The following TRIM25 variants were observed in gnomAD, a reference collection of about 807,000 sequenced individuals.
The protein encoded by TRIM25 is tripartite motif containing 25, also known as E3 ubiquitin/ISG15 ligase TRIM25.
Under a neutral mutation model 65.2 loss-of-function variants are expected in TRIM25, and 45 were observed. The observed-to-expected ratio is 0.69, with a 90% CI of 0.54 to 0.89. The LOEUF is 0.89. Among genes scored for constraint, TRIM25 ranks in the 40% least tolerant of loss-of-function variants. TRIM25 has a pLI of 0.00. For missense variants in TRIM25, 714 were observed against 803.7 expected (o/e 0.89, Z 1.35); for synonymous variants, 321 against 340.4 (o/e 0.94, Z 0.63).
chr17:56,913,506 A>G lies in TRIM25; in HGVS notation c.483T>C (p.Asn161=). The part of the protein sequence containing the change: ...DLLRRKCSQH[N]RLREFFCPEH... The stretch of plus-strand genomic sequence containing the variant: ...CGGGGCAGAAAAATTCCCGCAGCCG[A>G]TTGTGCTGGGAACATTTGCGGCGCA... The change falls in exon 1 of 9, where the codon AAT becomes AAC. Residue 161 remains asparagine (N), a synonymous_variant. Transcript: ENST00000316881. The surrounding 1 kb of genome is among the most constrained non-coding windows in gnomAD (Gnocchi z 6.1). The G allele has an allele frequency of 6.2e-7, 1 of 1,613,634 alleles. No individual in the cohort carries two copies. Among genetic ancestry groups the G allele is most frequent in the Non-Finnish European group, 8.5e-7 (1 of 1,179,758 alleles).
rs748876259 is a variant in TRIM25 at position 56,914,034 on chromosome 17, G to C, written c.-46C>G. 1 of 1,418,026 alleles carries C rather than the reference G, an allele frequency of 7.1e-7. No homozygotes were observed. Among genetic ancestry groups the C allele is most frequent in the Admixed American group, 2.5e-5 (1 of 39,396 alleles). 87.8% of individuals were successfully genotyped at this position (1,418,026 alleles called of 1,614,324 possible). A position where few individuals can be genotyped will look rare whatever the true frequency, so the allele number is the denominator to read the frequency against. On this transcript the variant is annotated 5_prime_UTR_variant, in exon 1 of 9. Transcript: ENST00000316881. ...CACAACTGCTGCACCCGCGCTCCGA[G>C]GCCGCCGAGGAAACGAAACCTAGCT... is the stretch of plus-strand genomic sequence containing the variant.
intron 4 of TRIM25, 105 bp from the exon 5 acceptor site, chr17:56,899,285 C>A (rs1909363248): frequency 3.5e-6 from 4 of 1,135,102 alleles, no homozygotes; most frequent in Non-Finnish European, 5.2e-6. Flanking sequence ...CACAGACAGC[C>A]ATTTCCTCCG....
chr17:56,897,760 A>G (rs1446126420), intron 5 of TRIM25, among the ~76,000 whole-genome samples: 3 of 152,168 alleles, frequency 2.0e-5, no homozygotes, highest in Non-Finnish European at 4.4e-5. Flanking sequence ...CCTCATTCAT[A>G]CTAAGGGAGG....
chr17:56,902,291 A>G (rs556133241), intron 3 of TRIM25, among the ~76,000 whole-genome samples: 1 of 152,252 alleles, frequency 6.6e-6, no homozygotes, highest in African/African-American at 2.4e-5. Flanking sequence ...TGGGTCTTTC[A>G]GGTATAGCTG....
Position 56,891,671 on chromosome 17 carries a change from GGCAGTCAGCCCAAGT to G in TRIM25, c.*14_*28del. On this transcript the variant is annotated 3_prime_UTR_variant, in exon 9 of 9. Transcript: ENST00000316881. ...TCACTAGGGTCTTGGGACTTCTGCA[GGCAGTCAGCCCAAGT>G]GCCTACAGCCTGCCTACTTGGGGGA... 1 of 1,594,666 alleles carries G rather than the reference GGCAGTCAGCCCAAGT, an allele frequency of 6.3e-7. No homozygotes were observed. The highest frequency in any genetic ancestry group is 2.2e-5 in the East Asian group (1 of 44,628).
chr17:56,904,130 T>C, intron 3 of TRIM25, 125 bp downstream of exon 3: 1 of 762,320 alleles, frequency 1.3e-6, no homozygotes, highest in African/African-American at 1.7e-5. Context: ...TAATACAGCG[T>C]GTGTCTCAGG....
Position 56,892,018 on chromosome 17 carries a change from C to A in TRIM25, c.1575G>T (p.Gly525=), listed in dbSNP as rs745885149. The A allele has an allele frequency of 2.5e-6, 4 of 1,614,172 alleles. No homozygotes were observed. The highest frequency in any genetic ancestry group is 1.3e-5 in the African/African-American group (1 of 75,046). ...EVELQKNNFC[G]VGICYGSMNR... is the part of the protein sequence containing the mutation. ...TCATGCTTCCGTAGCAGATGCCTACCCCACAGAAGTTGTTCTTCTGCAGCT... is the reference window on the plus strand; with the variant it reads ...TCATGCTTCCGTAGCAGATGCCTACACCACAGAAGTTGTTCTTCTGCAGCT... The change falls in exon 9 of 9, where the codon GGG becomes GGT. Residue 525 remains glycine, a synonymous_variant. Transcript: ENST00000316881.
intron 1 of TRIM25, chr17:56,912,760 T>C (rs1382641008): frequency 1.3e-5 from 2 of 152,162 alleles, no homozygotes; most frequent in Non-Finnish European, 2.9e-5. Flanking sequence ...CATATCCACC[T>C]CCTGGGTGCC....
At chr17:56,900,464 A>G (rs919716976) in intron 4 of TRIM25, among the ~76,000 whole-genome samples, 1 of 152,216 alleles carries the variant, frequency 6.6e-6, no homozygotes, top group Non-Finnish European at 1.5e-5. Context: ...ATCCCAAGGA[A>G]GAATGCGATA....
chr17:56,898,942 G>A (rs917377907), intron 5 of TRIM25, 173 bp downstream of exon 5: 1 of 649,364 alleles, frequency 1.5e-6, no homozygotes, highest in Admixed American at 2.8e-5. Flanking sequence ...CTGATGGACA[G>A]CGGAGCTTCT....
intron 1 of TRIM25, among the ~76,000 whole-genome samples, chr17:56,911,210 G>A (rs1909621195): frequency 6.6e-6 from 1 of 152,004 alleles, no homozygotes; most frequent in South Asian, 2.1e-4. Context: ...TAAGGTTATA[G>A]TGAGCTATGA....
At chr17:56,903,127 G>A (rs1000878468) in intron 3 of TRIM25, among the ~76,000 whole-genome samples, 28 of 152,206 alleles carry the variant, frequency 1.8e-4, no homozygotes, top group Admixed American at 9.8e-4. Context: ...CTGGTTGGGC[G>A]CAGTGGCTCA....
At position 56,904,298 on chromosome 17, in the gene TRIM25, A is replaced by G. The variant is rs1352957178; in HGVS notation, c.884T>C (p.Ile295Thr). ...KSEIQTLKEEIEQSLTKRDEF... is the reference protein window; with the variant it reads ...KSEIQTLKEETEQSLTKRDEF... ...ATCCCTCTTGGTCAGGCTCTGTTCA[A>G]TCTCCTCCTTCAAGGTCTGGATCTC... The change falls in exon 3 of 9, where the codon ATT (isoleucine) becomes ACT (threonine). Residue 295 changes from isoleucine (I) to threonine (T), a missense_variant. This residue lies in a region of TRIM25 where 413 missense variants were observed against 498.2 expected (regional missense o/e 0.83). Transcript: ENST00000316881. 2 of 1,613,856 alleles carry G rather than the reference A, an allele frequency of 1.2e-6. No individual in the cohort carries two copies. Among genetic ancestry groups the G allele is most frequent in the Non-Finnish European group, 1.7e-6 (2 of 1,180,008 alleles).
chr17:56,895,942 C>T lies in TRIM25; in HGVS notation c.1164G>A (p.Lys388=). The T allele has an allele frequency of 6.2e-7, 1 of 1,612,344 alleles. No individual in the cohort carries two copies. Among genetic ancestry groups the T allele is most frequent in the South Asian group, 1.1e-5 (1 of 90,390 alleles). ...ATAACTTACGAGGTTTCTTGGATTTCTTTTCCTCTTCTGCAAAAGAAAGTT... is the reference window on the plus strand; with the variant it reads ...ATAACTTACGAGGTTTCTTGGATTTTTTTTCCTCTTCTGCAAAAGAAAGTT... ...RPVKKVSKEE[K]KSKKPPPVPA... Residue 388 remains lysine (K), a synonymous_variant, in exon 6 of 9, where the codon AAG becomes AAA. Coordinates refer to ENST00000316881, the MANE Select transcript of TRIM25 (RefSeq NM_005082.5).
intron 1 of TRIM25, among the ~76,000 whole-genome samples, chr17:56,910,158 A>AG (rs1909599081): frequency 6.7e-6 from 1 of 150,136 alleles, no homozygotes; most frequent in Non-Finnish European, 1.5e-5. Context: ...GGAGATTTCT[A>AG]GAAAAAAAAA....
In TRIM25 at chr17:56,895,619, A is replaced by T. The variant is rs764050099; in HGVS notation, c.1181-15T>A. On this transcript the variant is annotated splice_polypyrimidine_tract_variant and intron_variant, in intron 6 of 8. Coordinates refer to ENST00000316881, the MANE Select transcript of TRIM25 (RefSeq NM_005082.5). ...AGGGACAGGGGCTGGGGGTAAGGAAAGGGAAATATGATACAGAGCAACGGG... is the reference window on the plus strand; with the variant it reads ...AGGGACAGGGGCTGGGGGTAAGGAATGGGAAATATGATACAGAGCAACGGG... 6.5e-7 allele frequency: 1 copy of T among 1,547,008 alleles called. No homozygotes were observed. The highest frequency in any genetic ancestry group is 8.7e-7 in the Non-Finnish European group (1 of 1,146,506).
In TRIM25 at chr17:56,913,676, C is replaced by A; in HGVS notation, c.313G>T (p.Val105Leu). ...RASAPSPNAQ[V>L]ACDHCLKEAA... ...TCCTTCAGGCAGTGGTCGCAGGCCA[C>A]CTGGGCATTCGGGCTGGGTGCAGAG... Residue 105 changes from valine (V) to leucine (L), a missense_variant, in exon 1 of 9, where the codon GTG becomes TTG. Physicochemically the swap from Val to Leu is conservative, Grantham distance 32. Transcript: ENST00000316881. This position sits in a 1 kb window ranked among gnomAD's most constrained non-coding sequence, Gnocchi z 6.1. 6.3e-7 allele frequency: 1 copy of A among 1,593,366 alleles called. No homozygotes were observed. Among genetic ancestry groups the A allele is most frequent in the Non-Finnish European group, 8.6e-7 (1 of 1,169,144 alleles).
Position 56,901,446 on chromosome 17 carries a change from G to C in TRIM25, c.1060C>G (p.Arg354Gly). ...LKNELKQCIG[R>G]LQEPTPSSGD... Reference sequence around the variant, plus strand: ...GAACTGGGGGTGGGCTCCTGGAGCCGCCCGATGCACTGCTTCAGCTCGTTT... The same window carrying C: ...GAACTGGGGGTGGGCTCCTGGAGCCCCCCGATGCACTGCTTCAGCTCGTTT... The change falls in exon 4 of 9, where the codon CGG becomes GGG. Residue 354 changes from arginine to glycine, a missense_variant. Arg to Gly is a moderately radical substitution (Grantham distance 125). Coordinates refer to ENST00000316881, the MANE Select transcript of TRIM25 (RefSeq NM_005082.5). The C allele has an allele frequency of 6.2e-7, 1 of 1,614,040 alleles. No homozygotes were observed. The highest frequency in any genetic ancestry group is 8.5e-7 in the Non-Finnish European group (1 of 1,179,994).
intron 1 of TRIM25, among the ~76,000 whole-genome samples, chr17:56,911,419 A>C (rs1362603071): frequency 1.3e-5 from 2 of 152,062 alleles, no homozygotes; most frequent in African/African-American, 4.8e-5. Flanking sequence ...GTCTCTACTA[A>C]AAATACAAAA....
Sources: allele counts gnomAD v4.1 joint callset (sites outside exome capture counted in the v4.1 genomes callset), GRCh38; gene constraint gnomAD v4.1.1; regional missense constraint gnomAD v4.1.1; non-coding constraint Gnocchi (gnomAD v3.1); transcripts MANE v1.5; gene names NCBI Gene and HGNC (gene_info 2026-07-23, HGNC 2026-07-21).